The following AKAP13 variants were observed in gnomAD, a reference collection of about 807,000 sequenced individuals.
The protein encoded by AKAP13 is A-kinase anchoring protein 13.
AKAP13 carries 80 observed loss-of-function variants against 264.5 expected under a neutral mutation model. That is an observed-to-expected ratio of 0.30 (90% CI 0.25 to 0.36). The LOEUF is 0.36. Among genes scored for constraint, AKAP13 ranks in the 10% least tolerant of loss-of-function variants. The pLI is 1.00. For synonymous variants in AKAP13, 1,380 were observed against 1,250.2 expected (o/e 1.10, Z -2.19); for missense variants, 3,712 against 3,435.2 (o/e 1.08, Z -2.01).
chr15:85,463,006 A>G (rs1433638218), intron 1 of AKAP13, among the ~76,000 whole-genome samples: 1 of 131,832 alleles, frequency 7.6e-6, no homozygotes, highest in African/African-American at 2.9e-5. Context: ...CCTGGGCGAC[A>G]GAGCGAGACT....
At chr15:85,384,299 A>G (rs1855193589) in intron 1 of AKAP13, among the ~76,000 whole-genome samples, 2 of 152,214 alleles carry the variant, frequency 1.3e-5, no homozygotes, top group Non-Finnish European at 2.9e-5. Context: ...TGGCACTTGA[A>G]TAGACTTGGT....
intron 1 of AKAP13, among the ~76,000 whole-genome samples, chr15:85,454,452 C>T (rs938472313): frequency 4.6e-5 from 7 of 152,042 alleles, no homozygotes; most frequent in South Asian, 2.1e-4. Context: ...CTCCCAGGTG[C>T]GCTGTTTTCC....
At chr15:85,671,567 G>A (rs338520) in intron 14 of AKAP13, among the ~76,000 whole-genome samples, 46,417 of 151,378 alleles carry the variant, frequency 0.31, 7,601 homozygotes, top group African/African-American at 0.42. Flanking sequence ...GTGTCTAACG[G>A]AGACTTATTT....
At chr15:85,573,588 G>A (rs1404694782) in intron 5 of AKAP13, among the ~76,000 whole-genome samples, 6 of 128,624 alleles carry the variant, frequency 4.7e-5, no homozygotes. Context: ...ATATGATATG[G>A]GATATTCAAA....
At chr15:85,672,017 T>C (rs897358036) in intron 14 of AKAP13, among the ~76,000 whole-genome samples, 4 of 152,198 alleles carry the variant, frequency 2.6e-5, no homozygotes, top group Non-Finnish European at 4.4e-5. Context: ...CCAAACACTA[T>C]AAATAATACA....
intron 10 of AKAP13, among the ~76,000 whole-genome samples, chr15:85,649,078 G>A (rs1350985359): frequency 2.0e-5 from 3 of 152,156 alleles, no homozygotes; most frequent in Admixed American, 1.3e-4. Flanking sequence ...CTTACAAAAA[G>A]GAGAGAGACT....
intron 10 of AKAP13, among the ~76,000 whole-genome samples, chr15:85,654,745 G>A (rs2083020608): frequency 6.6e-6 from 1 of 151,678 alleles, no homozygotes. Context: ...GATCACTTGG[G>A]CCCAGGAGGT....
intron 14 of AKAP13, among the ~76,000 whole-genome samples, chr15:85,672,260 C>G (rs2083971669): frequency 6.6e-6 from 1 of 152,236 alleles, no homozygotes; most frequent in African/African-American, 2.4e-5. Context: ...CACGTACCTT[C>G]CTAATAGCAT....
At chr15:85,716,570 GAGT>G (rs769303732) in intron 20 of AKAP13, among the ~76,000 whole-genome samples, 4 of 152,200 alleles carry the variant, frequency 2.6e-5, no homozygotes, top group Non-Finnish European at 5.9e-5. Context: ...GTAGGACTCA[GAGT>G]ATCTCTTTAA....
At chr15:85,455,999 T>G (rs1044035894) in intron 1 of AKAP13, among the ~76,000 whole-genome samples, 1 of 152,198 alleles carries the variant, frequency 6.6e-6, no homozygotes, top group Non-Finnish European at 1.5e-5. Context: ...AAGGAGGACA[T>G]AAAATAGAAA....
At chr15:85,383,484 G>C (rs2070394539) in intron 1 of AKAP13, among the ~76,000 whole-genome samples, 1 of 152,090 alleles carries the variant, frequency 6.6e-6, no homozygotes, top group Non-Finnish European at 1.5e-5. Context: ...TAATAATTTT[G>C]GTACATTTTT....
chr15:85,434,814 C>G (rs1389018713), intron 1 of AKAP13, among the ~76,000 whole-genome samples: 3 of 149,540 alleles, frequency 2.0e-5, no homozygotes, highest in Non-Finnish European at 4.5e-5. Context: ...ACCGAAAACC[C>G]ATCTGTACAT....
intron 5 of AKAP13, among the ~76,000 whole-genome samples, chr15:85,567,941 G>GGTGTGTGT (rs57049395): frequency 0.059 from 8,405 of 141,818 alleles, 514 homozygotes; most frequent in African/African-American, 0.15. Context: ...AGCCCAAAGA[G>GGTGTGTGT]GTGTGTGTGT....
Position 85,578,433 on chromosome 15 carries a change from C to T in AKAP13, c.862-497C>T, listed in dbSNP as rs1001543834. Among the ~76,000 whole-genome samples, 184 of 152,236 alleles carry T rather than the reference C, an allele frequency of 1.2e-3. 3 individuals are homozygous for T. The highest frequency in any genetic ancestry group is 0.011 in the Admixed American group (173 of 15,292). On this transcript the variant is annotated intron_variant, in intron 6 of 36. Transcript: ENST00000394518. ...TGCTGTCTCGGCTCACTGCAACCTCCGCCTCCCGGGTACAAGCAATTCTCC... is the reference window on the plus strand; with the variant it reads ...TGCTGTCTCGGCTCACTGCAACCTCTGCCTCCCGGGTACAAGCAATTCTCC...
intron 10 of AKAP13, among the ~76,000 whole-genome samples, chr15:85,650,521 C>T (rs938551588): frequency 5.9e-5 from 9 of 151,388 alleles, no homozygotes; most frequent in East Asian, 5.8e-4. Flanking sequence ...TTTGAGAGGC[C>T]GAGGCAGGCG....
chr15:85,608,122 C>G (rs542046025), intron 8 of AKAP13, among the ~76,000 whole-genome samples: 25 of 143,062 alleles, frequency 1.7e-4, no homozygotes, highest in Non-Finnish European at 2.9e-4. Context: ...GACTGTGTGA[C>G]TGTGCTAGAG....
At chr15:85,455,124 T>C (rs180792308) in intron 1 of AKAP13, among the ~76,000 whole-genome samples, 132 of 152,368 alleles carry the variant, frequency 8.7e-4, no homozygotes, top group African/African-American at 2.9e-3. Flanking sequence ...GTACATCCTT[T>C]TAGCCTTTTA....
At chr15:85,425,684 C>A (rs1374658628) in intron 1 of AKAP13, among the ~76,000 whole-genome samples, 1 of 150,046 alleles carries the variant, frequency 6.7e-6, no homozygotes, top group African/African-American at 2.5e-5. Flanking sequence ...CCACTGCACT[C>A]CAGCCTGGGC....
chr15:85,541,748 G>C lies in AKAP13; in HGVS notation c.479-2024G>C, dbSNP rs547085385. Among the ~76,000 whole-genome samples the C allele has an allele frequency of 4.9e-3, 747 of 152,322 alleles. 2 individuals are homozygous for C. The highest frequency in any genetic ancestry group is 6.7e-3 in the Non-Finnish European group (459 of 68,032). On this transcript the variant is annotated intron_variant, in intron 4 of 36. Coordinates refer to ENST00000394518, the MANE Select transcript of AKAP13 (RefSeq NM_007200.5). ...CTGAGAAGATAGAATGGAAAAAGTT[G>C]ACATAAACTGCCTAGCCCAGTGCAT...
Sources: allele counts gnomAD v4.1 joint callset (sites outside exome capture counted in the v4.1 genomes callset), GRCh38; gene constraint gnomAD v4.1.1; transcripts MANE v1.5; gene names NCBI Gene and HGNC (gene_info 2026-07-23, HGNC 2026-07-21).